The following EPC2 variants were observed in gnomAD, a reference collection of about 807,000 sequenced individuals.
EPC2 encodes enhancer of polycomb 2.
In EPC2, 14 loss-of-function variants were observed where a neutral mutation model predicts 92.1. The ratio of observed to expected loss-of-function variants is 0.15; its 90% CI spans 0.10 to 0.24. The LOEUF is 0.24. EPC2 is among the 10% of genes least tolerant of loss of function. EPC2 has a pLI of 1.00. For synonymous variants in EPC2, 340 were observed against 334.7 expected (o/e 1.02, Z -0.17); for missense variants, 755 against 971.5 (o/e 0.78, Z 2.96).
At chr2:148,645,288 C>T (rs1683771203) in intron 1 of EPC2, 118 bp downstream of exon 1, 2 of 898,816 alleles carry the variant, frequency 2.2e-6, no homozygotes, top group Admixed American at 2.8e-5. Context: ...GCCGCTCTAA[C>T]GCACGGGACT....
At chr2:148,762,529 T>C in intron 5 of EPC2, 141 bp from the exon 6 acceptor site, 1 of 655,448 alleles carries the variant, frequency 1.5e-6, no homozygotes, top group Non-Finnish European at 2.4e-6. Context: ...TCTTTATTCC[T>C]GCAAATTTTA....
intron 1 of EPC2, among the ~76,000 whole-genome samples, chr2:148,679,994 G>C (rs1462128346): frequency 1.3e-5 from 2 of 151,870 alleles, no homozygotes; most frequent in Non-Finnish European, 2.9e-5. Context: ...AGTAATACTT[G>C]AATGGGAAAA....
chr2:148,771,925 A>G lies in EPC2; in HGVS notation c.1720+538A>G, dbSNP rs186858023. On this transcript the variant is annotated intron_variant, in intron 10 of 13. Transcript: ENST00000258484. Reference sequence around the variant, plus strand: ...GCGATTCTCCTGTCTCAGCCTCCCAAATAGCTGGGACTACAGGCGTGCACC... The same window carrying G: ...GCGATTCTCCTGTCTCAGCCTCCCAGATAGCTGGGACTACAGGCGTGCACC... 5.2e-3 allele frequency among the ~76,000 whole-genome samples: 784 copies of G among 151,966 alleles called. 10 individuals carry two copies. Among genetic ancestry groups the G allele is most frequent in the African/African-American group, 0.018 (749 of 41,434 alleles).
chr2:148,741,667 T>C (rs1228820718), intron 2 of EPC2, among the ~76,000 whole-genome samples: 2 of 152,198 alleles, frequency 1.3e-5, no homozygotes, highest in Admixed American at 6.5e-5. Flanking sequence ...AACCAACCTG[T>C]TGGTTATTGA....
rs60115354 is a variant in EPC2 at position 148,715,025 on chromosome 2, G to GTTT, written c.313+24675_313+24677dup. Among the ~76,000 whole-genome samples the GTTT allele has an allele frequency of 1.6e-3, 137 of 86,856 alleles. 3 individuals carry two copies. Among genetic ancestry groups the GTTT allele is most frequent in the African/African-American group, 5.8e-3 (110 of 19,020 alleles). The allele number at this position is 86,856 out of a possible 152,430, so 57.0% of individuals were successfully genotyped here. On this transcript the variant is annotated intron_variant, in intron 2 of 13. Transcript: ENST00000258484. ...GGTATCGCCTAGATTTTCTTCTAGG[G>GTTT]TTTTTTTTTTTTTTTTTTTTTTTTT...
chr2:148,676,173 T>C (rs140826072), intron 1 of EPC2, among the ~76,000 whole-genome samples: 1 of 152,118 alleles, frequency 6.6e-6, no homozygotes, highest in Non-Finnish European at 1.5e-5. Context: ...TAATTTCATG[T>C]TTTCAGGGGA....
intron 2 of EPC2, among the ~76,000 whole-genome samples, chr2:148,695,837 A>AT (rs1466990624): frequency 1.2e-4 from 19 of 152,256 alleles, no homozygotes; most frequent in Admixed American, 7.9e-4. Context: ...ATTCAAATAA[A>AT]TAAAGACTGG....
intron 2 of EPC2, among the ~76,000 whole-genome samples, chr2:148,708,971 C>T (rs1232998906): frequency 6.6e-6 from 1 of 152,136 alleles, no homozygotes; most frequent in Non-Finnish European, 1.5e-5. Context: ...TCCTATTCAA[C>T]ATAGTGTTGG....
chr2:148,776,878 T>TTTTTTTTTTTA (rs1683657030), intron 10 of EPC2, among the ~76,000 whole-genome samples: 1 of 85,820 alleles, frequency 1.2e-5, no homozygotes, highest in Non-Finnish European at 2.6e-5. Flanking sequence ...TTTTTTTTTT[T>TTTTTTTTTTTA]GAGACAGAGT....
chr2:148,708,643 A>G (rs1196672082), intron 2 of EPC2, among the ~76,000 whole-genome samples: 7 of 152,256 alleles, frequency 4.6e-5, no homozygotes, highest in African/African-American at 1.7e-4. Context: ...AAGCTTATCC[A>G]CCAATATCAA....
chr2:148,764,881 G>A, intron 6 of EPC2, 74 bp from the exon 7 acceptor site: 1 of 1,112,348 alleles, frequency 9.0e-7, no homozygotes, highest in Non-Finnish European at 1.2e-6. Flanking sequence ...TTTTCAAAGA[G>A]CAGTATAGTT....
chr2:148,764,853 C>T, intron 6 of EPC2, 102 bp from the exon 7 acceptor site: 1 of 896,932 alleles, frequency 1.1e-6, no homozygotes, highest in Non-Finnish European at 1.5e-6. Flanking sequence ...AAATCACCTC[C>T]TGGGTAAAAA....
At chr2:148,738,935 G>A (rs1682821561) in intron 2 of EPC2, among the ~76,000 whole-genome samples, 1 of 152,186 alleles carries the variant, frequency 6.6e-6, no homozygotes, top group African/African-American at 2.4e-5. Flanking sequence ...TGAGAGAGCA[G>A]GTCTCCCCCT....
intron 1 of EPC2, among the ~76,000 whole-genome samples, chr2:148,664,596 G>A (rs1015776060): frequency 6.6e-6 from 1 of 152,168 alleles, no homozygotes; most frequent in African/African-American, 2.4e-5. Flanking sequence ...TGTTACACCT[G>A]TTTTCATAGT....
intron 2 of EPC2, among the ~76,000 whole-genome samples, chr2:148,690,830 T>G (rs1230128532): frequency 1.3e-5 from 2 of 152,086 alleles, no homozygotes; most frequent in African/African-American, 2.4e-5. Flanking sequence ...ACCCAGCTGA[T>G]GTTTGTATTT....
At chr2:148,684,489 A>C (rs1681473134) in intron 1 of EPC2, among the ~76,000 whole-genome samples, 5 of 152,122 alleles carry the variant, frequency 3.3e-5, no homozygotes. Flanking sequence ...AGGTCAGTTG[A>C]TTTTTGTATA....
intron 2 of EPC2, among the ~76,000 whole-genome samples, chr2:148,737,583 A>G (rs1682786424): frequency 6.6e-6 from 1 of 152,134 alleles, no homozygotes; most frequent in Non-Finnish European, 1.5e-5. Flanking sequence ...CTAGTGCTTC[A>G]GAGTCCACAG....
chr2:148,651,368 G>T (rs574514777), intron 1 of EPC2, among the ~76,000 whole-genome samples: 1 of 152,294 alleles, frequency 6.6e-6, no homozygotes, highest in Admixed American at 6.5e-5. Flanking sequence ...CGGACATGCA[G>T]ACATCTTTTG....
chr2:148,715,860 G>A (rs1479960529), intron 2 of EPC2, among the ~76,000 whole-genome samples: 3 of 152,320 alleles, frequency 2.0e-5, no homozygotes, highest in African/African-American at 7.2e-5. Context: ...CATGAACATG[G>A]AATGTTTTTC....
Sources: allele counts gnomAD v4.1 joint callset (sites outside exome capture counted in the v4.1 genomes callset), GRCh38; gene constraint gnomAD v4.1.1; transcripts MANE v1.5; gene names NCBI Gene and HGNC (gene_info 2026-07-23, HGNC 2026-07-21).